The following SOX6 variants were observed in gnomAD, a reference collection of about 807,000 sequenced individuals.
SOX6 encodes the protein transcription factor SOX-6.
Under a neutral mutation model 97.8 loss-of-function variants are expected in SOX6, and 11 were observed. The ratio of observed to expected loss-of-function variants is 0.11; its 90% CI spans 0.07 to 0.19. SOX6 has a LOEUF of 0.19. SOX6 is among the 10% of genes least tolerant of loss of function. The pLI is 1.00. For synonymous variants in SOX6, 360 were observed against 371.4 expected, an observed-to-expected ratio of 0.97 and a Z score of 0.35; for missense variants, 810 against 1,039.5, an observed-to-expected ratio of 0.78 and a Z score of 3.04.
chr11:16,072,375 C>G (rs1848246322), intron 9 of SOX6, among the ~76,000 whole-genome samples: 1 of 152,030 alleles, frequency 6.6e-6, no homozygotes, highest in African/African-American at 2.4e-5. Context: ...TCTAAAATAA[C>G]TCAGTCAGAC....
chr11:16,167,712 A>T (rs948944935), intron 6 of SOX6, among the ~76,000 whole-genome samples: 2 of 152,116 alleles, frequency 1.3e-5, no homozygotes, highest in African/African-American at 2.4e-5. Flanking sequence ...TGATATGCGT[A>T]TGACTTGCTT....
At chr11:16,733,125 G>C (rs1284761556) in intron 2 of SOX6, among the ~76,000 whole-genome samples, 1 of 152,214 alleles carries the variant, frequency 6.6e-6, no homozygotes, top group Non-Finnish European at 1.5e-5. Context: ...TTACACTGTT[G>C]GTGAGAATGT....
intron 4 of SOX6, among the ~76,000 whole-genome samples, chr11:16,515,984 T>C (rs1860964792): frequency 6.6e-6 from 1 of 151,940 alleles, no homozygotes; most frequent in African/African-American, 2.4e-5. Flanking sequence ...GGTAGTGTGA[T>C]GCCTCCAGCT....
intron 4 of SOX6, among the ~76,000 whole-genome samples, chr11:16,520,649 C>T (rs554424002): frequency 4.3e-4 from 66 of 152,348 alleles, no homozygotes; most frequent in Admixed American, 1.0e-3. Flanking sequence ...TGCAGCACAA[C>T]ATGTGCGAGC....
chr11:16,514,624 C>A (rs1860935715), intron 4 of SOX6, among the ~76,000 whole-genome samples: 2 of 151,602 alleles, frequency 1.3e-5, no homozygotes, highest in East Asian at 3.9e-4. Flanking sequence ...TATACATGTG[C>A]CACACTGGTG....
intron 3 of SOX6, among the ~76,000 whole-genome samples, chr11:16,251,593 T>C (rs529557701): frequency 6.6e-6 from 1 of 152,144 alleles, no homozygotes; most frequent in African/African-American, 2.4e-5. Flanking sequence ...GGATCTATAA[T>C]GTAAAGCCCT....
chr11:16,545,455 T>G (rs981270157), intron 4 of SOX6, among the ~76,000 whole-genome samples: 3 of 151,992 alleles, frequency 2.0e-5, no homozygotes, highest in Admixed American at 6.6e-5. Context: ...AGAAAGTATA[T>G]ACCTTAATGT....
intron 4 of SOX6, among the ~76,000 whole-genome samples, chr11:16,540,268 C>T (rs1307187036): frequency 1.3e-5 from 2 of 152,160 alleles, no homozygotes; most frequent in Non-Finnish European, 2.9e-5. Flanking sequence ...CGAAATTCAA[C>T]AGCCCTTCAT....
At chr11:16,282,448 C>T (rs7931340) in intron 3 of SOX6, among the ~76,000 whole-genome samples, 143,704 of 151,632 alleles carry the variant, frequency 0.95, 68,555 homozygotes, top group East Asian at 1. Context: ...ACATTACATA[C>T]ACAATGAATG....
chr11:16,445,227 C>T (rs1005291470), intron 1 of SOX6, among the ~76,000 whole-genome samples: 1 of 152,142 alleles, frequency 6.6e-6, no homozygotes, highest in African/African-American at 2.4e-5. Flanking sequence ...TAACAATAGA[C>T]CCATTACTAT....
At chr11:16,525,264 G>GT (rs1267555772) in intron 4 of SOX6, among the ~76,000 whole-genome samples, 1 of 151,874 alleles carries the variant, frequency 6.6e-6, no homozygotes, top group Non-Finnish European at 1.5e-5. Flanking sequence ...AAACAGCATG[G>GT]TACTGGTACC....
chr11:16,728,424 T>C (rs1404525024), intron 2 of SOX6, among the ~76,000 whole-genome samples: 4 of 152,170 alleles, frequency 2.6e-5, no homozygotes, highest in South Asian at 2.1e-4. Context: ...CTGCCAGTGA[T>C]AGCCAGGCAA....
At chr11:16,136,029 T>A (rs371921618) in intron 6 of SOX6, among the ~76,000 whole-genome samples, 2 of 150,704 alleles carry the variant, frequency 1.3e-5, no homozygotes, top group South Asian at 4.4e-4. Context: ...ATCATTAGCA[T>A]TTTTTTTTGA....
chr11:16,132,687 G>A (rs1017048519), intron 6 of SOX6, among the ~76,000 whole-genome samples: 1 of 149,282 alleles, frequency 6.7e-6, no homozygotes, highest in African/African-American at 2.5e-5. Flanking sequence ...TTGAGCTATC[G>A]GGTTACCTTT....
rs1463734478 is a variant in SOX6, at chr11:16,198,221, TTTTTTTTTC to T, written c.536-11275_536-11267del. On this transcript the variant is annotated intron_variant, in intron 4 of 15. Transcript: ENST00000683767. The stretch of plus-strand genomic sequence containing the variant: ...GGCGCCTGCCACCACGCCCTGCTAA[TTTTTTTTTC>T]TTTTTTTTTTTTTTTTTGTATTTTT... Among the ~76,000 whole-genome samples the T allele has an allele frequency of 1.6e-3, 140 of 86,398 alleles. 2 individuals carry two copies. The highest frequency in any genetic ancestry group is 7.3e-3 in the African/African-American group (115 of 15,784). 56.7% of individuals were successfully genotyped at this position (86,398 alleles called of 152,430 possible).
At chr11:16,233,167 A>T (rs1433466543) in intron 4 of SOX6, among the ~76,000 whole-genome samples, 1 of 152,158 alleles carries the variant, frequency 6.6e-6, no homozygotes, top group East Asian at 1.9e-4. Context: ...TCCATGACCA[A>T]TAGGAAGATT....
At chr11:16,268,985 T>A (rs1467143609) in intron 3 of SOX6, among the ~76,000 whole-genome samples, 1 of 150,890 alleles carries the variant, frequency 6.6e-6, no homozygotes, top group African/African-American at 2.4e-5. Flanking sequence ...TTCTGAGTCA[T>A]AAGGCCTTTC....
chr11:16,227,127 AAAT>A (rs530624441), intron 4 of SOX6, among the ~76,000 whole-genome samples: 230 of 152,322 alleles, frequency 1.5e-3, no homozygotes, highest in African/African-American at 5.2e-3. Context: ...GTCTCAAATA[AAAT>A]AATGTTAGAT....
intron 3 of SOX6, among the ~76,000 whole-genome samples, chr11:16,253,330 CAA>C (rs1294421932): frequency 6.9e-6 from 1 of 144,744 alleles, no homozygotes; most frequent in Non-Finnish European, 1.5e-5. Context: ...GCGTAGGTAA[CAA>C]GAGCAAAATT....
Sources: allele counts gnomAD v4.1 joint callset (sites outside exome capture counted in the v4.1 genomes callset), GRCh38; gene constraint gnomAD v4.1.1; transcripts MANE v1.5; gene names NCBI Gene and HGNC (gene_info 2026-07-23, HGNC 2026-07-21).